Variants in EYS observed in about 807,000 individuals in gnomAD.
EYS encodes the protein EGF-like photoreceptor maintenance factor, also known as protein eyes shut homolog.
EYS carries 250 observed loss-of-function variants against 282.1 expected under a neutral mutation model. That is an observed-to-expected ratio of 0.89 (90% confidence interval 0.80 to 0.98). The LOEUF (loss-of-function observed/expected upper bound fraction) is 0.98. Among genes scored for constraint, EYS ranks in the 50% least tolerant of loss-of-function variants. The pLI is 0.00. For synonymous variants in EYS, 1,355 were observed against 1,282.9 expected (o/e 1.06, Z -1.20); for missense variants, 4,016 against 3,709.0 (o/e 1.08, Z -2.15).
At chr6:63,857,834 C>T (rs142049808) in intron 36 of EYS, 74 of 195,680 alleles carry the variant, frequency 3.8e-4, no homozygotes, top group Admixed American at 1.3e-3. Context: ...TTATCTGGTT[C>T]CTCTTCCTTG....
At position 65,646,564 on chromosome 6, in the gene EYS, A is replaced by T. The variant is rs576077906; in HGVS notation, c.-447-6672T>A. Among the ~76,000 whole-genome samples, 3 of 152,320 alleles carry T rather than the reference A, an allele frequency of 2.0e-5. No homozygotes were observed. In the South Asian group the frequency reaches 6.2e-4, roughly 32 times the overall value. ...CATCTATGACATACCCACAGCCAAC[A>T]TTATACTGCATGGGAAGAAGCTGAA... On this transcript the variant is annotated intron_variant, in intron 1 of 42. Transcript: ENST00000503581.
chr6:64,124,927 T>C (rs764165022), intron 31 of EYS, among the ~76,000 whole-genome samples: 1 of 152,202 alleles, frequency 6.6e-6, no homozygotes, highest in Non-Finnish European at 1.5e-5. Flanking sequence ...GTTTGTGACC[T>C]AGTGGATGAA....
chr6:64,374,368 C>T (rs1172847281), intron 29 of EYS, among the ~76,000 whole-genome samples: 1 of 151,064 alleles, frequency 6.6e-6, no homozygotes, highest in Non-Finnish European at 1.5e-5. Flanking sequence ...ATTACCTCTG[C>T]ATAACATCCA....
intron 34 of EYS, among the ~76,000 whole-genome samples, chr6:63,987,837 T>TTATACTAATA (rs1767437434): frequency 6.6e-6 from 1 of 151,596 alleles, no homozygotes; most frequent in Non-Finnish European, 1.5e-5. Context: ...TGCTTTACAT[T>TTATACTAATA]TATACTAATA....
chr6:64,390,371 C>A (rs1380865173), intron 28 of EYS, among the ~76,000 whole-genome samples: 1 of 152,032 alleles, frequency 6.6e-6, no homozygotes, highest in Non-Finnish European at 1.5e-5. Flanking sequence ...CTTAAATGTC[C>A]CTGTCTGACA....
chr6:64,857,965 G>A (rs576264469), intron 19 of EYS, among the ~76,000 whole-genome samples: 1 of 152,102 alleles, frequency 6.6e-6, no homozygotes, highest in African/African-American at 2.4e-5. Flanking sequence ...TTTTGTTTGA[G>A]TTGTTTCAGT....
In EYS at chr6:64,917,584, A is replaced by T. The variant is rs886269348; in HGVS notation, c.2382-4841T>A. Among the ~76,000 whole-genome samples the T allele has an allele frequency of 1.1e-4, 16 of 152,292 alleles. No homozygotes were observed. The East Asian group carries it at 3.1e-3, about 29-fold the overall frequency. On this transcript the variant is annotated intron_variant, in intron 15 of 42. Transcript: ENST00000503581. ...GATCAGTGGAGATGTTGGTCACAGGATACAGTTAGATGGAAGGAAAAAGTT... is the reference window on the plus strand; with the variant it reads ...GATCAGTGGAGATGTTGGTCACAGGTTACAGTTAGATGGAAGGAAAAAGTT...
chr6:63,861,436 C>A (rs1340277065), intron 36 of EYS, among the ~76,000 whole-genome samples: 1 of 152,152 alleles, frequency 6.6e-6, no homozygotes, highest in East Asian at 1.9e-4. Context: ...AGAGATAATA[C>A]CATCAGAATA....
intron 29 of EYS, among the ~76,000 whole-genome samples, chr6:64,359,681 C>G (rs1443919511): frequency 2.6e-5 from 4 of 151,658 alleles, no homozygotes; most frequent in African/African-American, 9.7e-5. Context: ...CTCTTCCTGG[C>G]TTGCAGATGG....
At chr6:63,749,654 C>G (rs1769294085) in intron 41 of EYS, among the ~76,000 whole-genome samples, 1 of 152,160 alleles carries the variant, frequency 6.6e-6, no homozygotes, top group Non-Finnish European at 1.5e-5. Flanking sequence ...CCTGCCAACT[C>G]AAGTGTCTGT....
At chr6:65,179,664 C>T (rs1007061269) in intron 12 of EYS, among the ~76,000 whole-genome samples, 1 of 152,108 alleles carries the variant, frequency 6.6e-6, no homozygotes, top group Non-Finnish European at 1.5e-5. Flanking sequence ...TGAAACTATT[C>T]CAATCATTAG....
intron 35 of EYS, among the ~76,000 whole-genome samples, chr6:63,903,837 G>A (rs2149733086): frequency 6.6e-6 from 1 of 152,298 alleles, no homozygotes; most frequent in South Asian, 2.1e-4. Context: ...TTAGAAAATG[G>A]ACATGGTCAA....
In EYS at chr6:65,275,264, A is replaced by G. The variant is rs143472265; in HGVS notation, c.2023+20599T>C. ...CTCCTTTTGAGAAACAGCTGTTGGT[A>G]TGTTACTGGACCTTAGTCGGAACTG... On this transcript the variant is annotated intron_variant, in intron 12 of 42. Transcript: ENST00000503581. 1.1e-4 allele frequency among the ~76,000 whole-genome samples: 16 copies of G among 152,310 alleles called. No individual in the cohort carries two copies. In the East Asian group the frequency reaches 3.1e-3, roughly 29 times the overall value.
intron 12 of EYS, among the ~76,000 whole-genome samples, chr6:65,114,401 AG>A (rs1775308207): frequency 6.6e-6 from 1 of 150,706 alleles, no homozygotes; most frequent in Non-Finnish European, 1.5e-5. Context: ...TAGTTCCAGA[AG>A]GACTTGAACT....
chr6:63,996,032 T>A (rs1244230736), intron 34 of EYS, among the ~76,000 whole-genome samples: 1 of 82,408 alleles, frequency 1.2e-5, no homozygotes, highest in Non-Finnish European at 3.4e-5. Flanking sequence ...AAAGTATACA[T>A]GTATCAAAAC....
intron 2 of EYS, among the ~76,000 whole-genome samples, chr6:65,633,901 A>G (rs184660036): frequency 3.9e-4 from 60 of 152,352 alleles, no homozygotes; most frequent in Non-Finnish European, 3.4e-4. Context: ...GAAAGGTCAC[A>G]TGGTCCCAAA....
chr6:64,073,044 C>T (rs768966028), intron 32 of EYS, among the ~76,000 whole-genome samples: 1 of 151,846 alleles, frequency 6.6e-6, no homozygotes, highest in Non-Finnish European at 1.5e-5. Context: ...GATGAATAGT[C>T]TTATTCAAGT....
chr6:64,690,725 A>T (rs1010189087), intron 22 of EYS, among the ~76,000 whole-genome samples: 4 of 152,164 alleles, frequency 2.6e-5, no homozygotes, highest in African/African-American at 9.7e-5. Context: ...ATACTCGCGC[A>T]AGGACAGAAA....
At chr6:63,924,988 C>T (rs1764675566) in intron 35 of EYS, among the ~76,000 whole-genome samples, 1 of 152,168 alleles carries the variant, frequency 6.6e-6, no homozygotes, top group South Asian at 2.1e-4. Flanking sequence ...GACCTAAGCA[C>T]ATAAAACAAG....
Sources: gnomAD v4.1 joint callset for allele counts (sites outside exome capture counted in the v4.1 genomes callset) on GRCh38, gnomAD v4.1.1 for gene constraint, MANE v1.5 for transcripts, NCBI Gene and HGNC (gene_info 2026-07-23, HGNC 2026-07-21) for gene names.